EPHX4: variants seen among roughly 807,000 people sequenced by gnomAD.
The protein encoded by EPHX4 is abhydrolase domain containing 7.
Under a neutral mutation model 44.9 loss-of-function variants are expected in EPHX4, and 31 were observed. The ratio of observed to expected loss-of-function variants is 0.69; its 90% confidence interval spans 0.52 to 0.93. EPHX4 has a LOEUF of 0.93. EPHX4 is among the 40% of genes least tolerant of loss of function. EPHX4 has a pLI of 0.00. For synonymous variants in EPHX4, 151 were observed against 159.7 expected (o/e 0.95, Z 0.41); for missense variants, 373 against 438.1 (o/e 0.85, Z 1.33).
chr1:92,048,230 TG>T (rs1249539315), intron 4 of EPHX4, among the ~76,000 whole-genome samples: 1 of 152,154 alleles, frequency 6.6e-6, no homozygotes, highest in African/African-American at 2.4e-5. Flanking sequence ...TGAGGTATAG[TG>T]GGATGGATGC....
Position 92,030,259 on chromosome 1 carries a change from C to A in EPHX4, c.180C>A (p.Pro60=). The A allele has an allele frequency of 1.2e-6, 2 of 1,602,198 alleles. No homozygotes were observed. Among genetic ancestry groups the A allele is most frequent in the East Asian group, 2.3e-5 (1 of 44,288 alleles). The change falls in exon 1 of 7, where the codon CCC becomes CCA. Residue 60 remains proline (P), a synonymous_variant. Transcript: ENST00000370383. ...GGCGGCCCGCCCGGGAGCACCCTCC[C>A]GCGTGCCTGAGCGACCCCTCCTTGG... ...TFRRPAREHP[P]ACLSDPSLGT...
At chr1:92,062,992 T>C in intron 6 of EPHX4, 63 bp from the exon 7 acceptor site, 1 of 1,420,524 alleles carries the variant, frequency 7.0e-7, no homozygotes, top group South Asian at 1.2e-5. Flanking sequence ...ACTGGGGCAC[T>C]ATAGGAAAAT....
At chr1:92,032,794 G>A (rs1477716921) in intron 2 of EPHX4, among the ~76,000 whole-genome samples, 1 of 152,200 alleles carries the variant, frequency 6.6e-6, no homozygotes, top group Non-Finnish European at 1.5e-5. Flanking sequence ...TCACATGGCA[G>A]AGGAGGAAGG....
intron 6 of EPHX4, among the ~76,000 whole-genome samples, chr1:92,058,145 A>G (rs895327120): frequency 3.3e-4 from 51 of 152,306 alleles, no homozygotes; most frequent in African/African-American, 1.2e-3. Flanking sequence ...GTTAGCATTA[A>G]AAATCAATTA....
At chr1:92,046,430 A>G (rs1688581483) in intron 4 of EPHX4, among the ~76,000 whole-genome samples, 1 of 152,168 alleles carries the variant, frequency 6.6e-6, no homozygotes, top group Non-Finnish European at 1.5e-5. Flanking sequence ...TCTTAATACT[A>G]TACCAAACTT....
chr1:92,033,036 G>A (rs1688383713), intron 2 of EPHX4, among the ~76,000 whole-genome samples: 1 of 151,014 alleles, frequency 6.6e-6, no homozygotes, highest in African/African-American at 2.4e-5. Flanking sequence ...TCCCACCTCA[G>A]CCTACCAAGT....
chr1:92,033,661 T>C (rs996318509), intron 2 of EPHX4, among the ~76,000 whole-genome samples: 13 of 152,166 alleles, frequency 8.5e-5, no homozygotes, highest in Admixed American at 1.3e-4. Context: ...GAGCCCCAAA[T>C]ATGTAATTAT....
chr1:92,030,167 CT>C lies in EPHX4; in HGVS notation c.89del (p.Leu30ProfsTer34). The C allele has an allele frequency of 6.2e-7, 1 of 1,612,576 alleles. No homozygotes were observed. Among genetic ancestry groups the C allele is most frequent in the Non-Finnish European group, 8.5e-7 (1 of 1,179,340 alleles). On this transcript the variant is annotated frameshift_variant, in exon 1 of 7. Coordinates refer to ENST00000370383, the MANE Select transcript of EPHX4 (RefSeq NM_173567.5). LOFTEE classifies it high-confidence loss of function. ...FWSLVYCYCG[L>X]CASIHLLKLL... is the part of the protein sequence containing the mutation. ...GTCCCTGGTCTACTGCTACTGCGGG[CT>C]CTGCGCCTCCATCCACCTGCTCAAA... is the stretch of plus-strand genomic sequence containing the variant.
chr1:92,054,492 G>A (rs969167467), intron 6 of EPHX4, among the ~76,000 whole-genome samples: 2 of 151,136 alleles, frequency 1.3e-5, no homozygotes, highest in South Asian at 2.1e-4. Flanking sequence ...GGAGGCTGAG[G>A]TAGGAGAATC....
At chr1:92,045,794 A>G in intron 4 of EPHX4, 134 bp downstream of exon 4, 2 of 950,112 alleles carry the variant, frequency 2.1e-6, no homozygotes, top group East Asian at 5.2e-5. Context: ...ATGATAGCAC[A>G]TGACAGTGTC....
chr1:92,059,641 T>C (rs1647446192), intron 6 of EPHX4, among the ~76,000 whole-genome samples: 1 of 152,146 alleles, frequency 6.6e-6, no homozygotes, highest in Admixed American at 6.5e-5. Flanking sequence ...AAAGTTGATA[T>C]ATAAAAGTTC....
At chr1:92,040,855 A>G (rs1320056753) in intron 2 of EPHX4, among the ~76,000 whole-genome samples, 1 of 152,128 alleles carries the variant, frequency 6.6e-6, no homozygotes, top group Non-Finnish European at 1.5e-5. Context: ...ACACTGGTTT[A>G]TAATCTTAAC....
At chr1:92,056,126 T>A (rs1647360294) in intron 6 of EPHX4, among the ~76,000 whole-genome samples, 1 of 152,144 alleles carries the variant, frequency 6.6e-6, no homozygotes, top group Admixed American at 6.6e-5. Context: ...GAGAGTTACA[T>A]TAGACCTCTA....
intron 2 of EPHX4, among the ~76,000 whole-genome samples, chr1:92,041,428 T>G (rs567879502): frequency 1.3e-5 from 2 of 152,362 alleles, no homozygotes; most frequent in East Asian, 3.9e-4. Flanking sequence ...ACTAAAACTT[T>G]GACCCTATTT....
intron 6 of EPHX4, among the ~76,000 whole-genome samples, chr1:92,061,424 C>T (rs1443079302): frequency 2.0e-5 from 3 of 152,062 alleles, no homozygotes; most frequent in Non-Finnish European, 2.9e-5. Context: ...TGTTCATTTT[C>T]CTTCTTAATC....
chr1:92,039,694 C>T (rs1031425151), intron 2 of EPHX4, among the ~76,000 whole-genome samples: 2 of 152,148 alleles, frequency 1.3e-5, no homozygotes, highest in African/African-American at 4.8e-5. Flanking sequence ...CCTCTTGCTG[C>T]CCAGGCTGGA....
Position 92,063,345 on chromosome 1 carries a change from T to A in EPHX4, c.*59T>A. On this transcript the variant is annotated 3_prime_UTR_variant, in exon 7 of 7. Transcript: ENST00000370383. ...AAATCTCTAAATAATTTTTAAAAAT[T>A]GTTCATCAACTTCTTTATGTTTTAT... The A allele has an allele frequency of 7.9e-7, 1 of 1,273,312 alleles. No homozygotes were observed. The highest frequency in any genetic ancestry group is 1.7e-5 in the South Asian group (1 of 59,098). The allele number at this position is 1,273,312 out of a possible 1,614,324, so 78.9% of individuals were successfully genotyped here.
At chr1:92,046,519 A>G (rs1452187527) in intron 4 of EPHX4, among the ~76,000 whole-genome samples, 3 of 152,158 alleles carry the variant, frequency 2.0e-5, no homozygotes, top group Non-Finnish European at 4.4e-5. Context: ...GCTGGAGTGC[A>G]GTGGCGCCAT....
intron 5 of EPHX4, among the ~76,000 whole-genome samples, chr1:92,052,026 A>T (rs1483008088): frequency 1.3e-5 from 2 of 152,224 alleles, no homozygotes; most frequent in Non-Finnish European, 2.9e-5. Flanking sequence ...GATATATATC[A>T]GTCAGTTAGA....
Sources: gnomAD v4.1 joint callset for allele counts (sites outside exome capture counted in the v4.1 genomes callset) on GRCh38, gnomAD v4.1.1 for gene constraint, MANE v1.5 for transcripts, NCBI Gene and HGNC (gene_info 2026-07-23, HGNC 2026-07-21) for gene names.